The following MAP1LC3B variants were observed in gnomAD, a reference collection of about 807,000 sequenced individuals.
The protein encoded by MAP1LC3B is microtubule-associated protein 1 light chain 3 beta.
MAP1LC3B carries 12 observed loss-of-function variants against 16.7 expected under a neutral mutation model. The observed-to-expected ratio is 0.72, with a 90% CI of 0.46 to 1.16. MAP1LC3B has a LOEUF of 1.16. Ranked by LOEUF, MAP1LC3B falls within the 50% of genes most tolerant of loss-of-function variation. The pLI is 0.00. For synonymous variants in MAP1LC3B, 63 were observed against 56.5 expected (o/e 1.11, Z -0.51); for missense variants, 155 against 159.5 (o/e 0.97, Z 0.15).
At chr16:87,399,708 A>T (rs930105552) in intron 2 of MAP1LC3B, 3 of 371,164 alleles carry the variant, frequency 8.1e-6, no homozygotes, top group Admixed American at 7.4e-5. Flanking sequence ...GCTTAAAACT[A>T]AAAAAAAACA....
In MAP1LC3B at chr16:87,402,913, CTT is replaced by C. The variant is rs759953381; in HGVS notation, c.204-8_204-7del. On this transcript the variant is annotated splice_polypyrimidine_tract_variant and splice_region_variant and intron_variant, in intron 3 of 3. Coordinates refer to ENST00000268607, the MANE Select transcript of MAP1LC3B (RefSeq NM_022818.5). ...TGTCAATATTTCTTCACGTTGTTTT[CTT>C]TCAATAGAAGGCGCTTACAGCTCAA... The C allele has an allele frequency of 1.9e-6, 3 of 1,613,544 alleles. No homozygotes were observed. The highest frequency in any genetic ancestry group is 2.5e-6 in the Non-Finnish European group (3 of 1,179,740).
intron 2 of MAP1LC3B, 67 bp from the exon 3 acceptor site, chr16:87,402,108 T>C (rs1452622466): frequency 1.3e-6 from 2 of 1,540,794 alleles, no homozygotes; most frequent in East Asian, 4.5e-5. Flanking sequence ...ATGCTGGGGT[T>C]ACAGGTGTGA....
intron 2 of MAP1LC3B, chr16:87,399,350 C>T: frequency 3.8e-6 from 1 of 265,000 alleles, no homozygotes; most frequent in South Asian, 3.7e-5. Context: ...ATTTCTGCTA[C>T]CACTTAAACT....
intron 1 of MAP1LC3B, chr16:87,392,844 G>A (rs919201545): frequency 3.9e-5 from 6 of 152,182 alleles, no homozygotes; most frequent in African/African-American, 1.4e-4. Context: ...CAAGCGCGCT[G>A]CGGGCGAGGG....
At chr16:87,402,886 G>A (rs763562889) in intron 3 of MAP1LC3B, 37 bp from the exon 4 acceptor site, 1 of 1,611,780 alleles carries the variant, frequency 6.2e-7, no homozygotes, top group South Asian at 1.1e-5. Context: ...TTCTTGTATT[G>A]TTGTCAATAT....
chr16:87,396,449 T>G (rs1907809493), intron 1 of MAP1LC3B, among the ~76,000 whole-genome samples: 2 of 150,416 alleles, frequency 1.3e-5, no homozygotes, highest in Admixed American at 1.3e-4. Context: ...CACTCCAGCC[T>G]GAGTGACAGA....
chr16:87,401,245 G>A (rs72806246), intron 2 of MAP1LC3B, among the ~76,000 whole-genome samples: 13,789 of 151,870 alleles, frequency 0.091, 863 homozygotes, highest in East Asian at 0.31. Flanking sequence ...TCTCTGCCTC[G>A]GTAAGGCTTG....
At chr16:87,396,003 G>A (rs1907788313) in intron 1 of MAP1LC3B, among the ~76,000 whole-genome samples, 1 of 151,226 alleles carries the variant, frequency 6.6e-6, no homozygotes, top group African/African-American at 2.4e-5. Context: ...TGGGATTACG[G>A]GTGCCCGCCA....
Position 87,392,479 on chromosome 16 carries a change from C to G in MAP1LC3B, c.40+12C>G. The G allele has an allele frequency of 9.9e-6, 13 of 1,312,746 alleles. No individual in the cohort carries two copies. Among genetic ancestry groups the G allele is most frequent in the Non-Finnish European group, 1.2e-5 (12 of 1,035,644 alleles). 81.3% of individuals were successfully genotyped at this position (1,312,746 alleles called of 1,614,324 possible). On this transcript the variant is annotated intron_variant, in intron 1 of 3. Transcript: ENST00000268607. ...GCGCCGCACCTTCGGTGAGTGTCGC[C>G]GCGAGGGCGGCGGGTGCGGCGGGGC... is the stretch of plus-strand genomic sequence containing the variant.
At chr16:87,400,073 A>T (rs1487780177) in intron 2 of MAP1LC3B, 1 of 154,398 alleles carries the variant, frequency 6.5e-6, no homozygotes, top group Admixed American at 6.2e-5. Context: ...CGCCGGCCTG[A>T]TGGCTTTATT....
intron 2 of MAP1LC3B, chr16:87,399,514 A>C: frequency 2.3e-6 from 1 of 432,790 alleles, no homozygotes; most frequent in Non-Finnish European, 4.6e-6. Context: ...CAATAGAACA[A>C]TGTACAAATA....
intron 2 of MAP1LC3B, chr16:87,400,008 A>G (rs977620602): frequency 4.2e-5 from 7 of 165,630 alleles, no homozygotes; most frequent in Admixed American, 3.4e-4. Flanking sequence ...TCTTGACCTC[A>G]TGATCCGCCC....
At chr16:87,392,544 C>A in intron 1 of MAP1LC3B, 77 bp downstream of exon 1, 1 of 1,193,822 alleles carries the variant, frequency 8.4e-7, no homozygotes, top group Non-Finnish European at 1.0e-6. Context: ...CCTGGGACGC[C>A]GTGAGGGGTC....
chr16:87,399,657 AATG>A (rs1252752109), intron 2 of MAP1LC3B: 1 of 453,762 alleles, frequency 2.2e-6, no homozygotes, highest in Non-Finnish European at 4.4e-6. Context: ...CACAGACACT[AATG>A]AGACTCAGAG....
At chr16:87,395,066 G>C (rs756393632) in intron 1 of MAP1LC3B, among the ~76,000 whole-genome samples, 3 of 152,192 alleles carry the variant, frequency 2.0e-5, no homozygotes, top group Non-Finnish European at 4.4e-5. Context: ...GAGTGCTTCA[G>C]TTTCTCTCTG....
chr16:87,398,157 G>A (rs1668514495), intron 1 of MAP1LC3B, among the ~76,000 whole-genome samples: 1 of 152,012 alleles, frequency 6.6e-6, no homozygotes, highest in South Asian at 2.1e-4. Flanking sequence ...CGAGTAGCTG[G>A]GATTACAGGC....
chr16:87,403,031 T>C lies in MAP1LC3B; in HGVS notation c.312T>C (p.Asp104=). ...CAGAGGTGTATGAGAGTGAGAAAGATGAAGATGGATTCCTGTACATGGTCT... is the reference window on the plus strand; with the variant it reads ...CAGAGGTGTATGAGAGTGAGAAAGACGAAGATGGATTCCTGTACATGGTCT... ...PISEVYESEK[D]EDGFLYMVYA... is the part of the protein sequence containing the mutation. Residue 104 remains aspartate, a synonymous_variant, in exon 4 of 4, where the codon GAT becomes GAC. Transcript: ENST00000268607. 1 of 1,614,138 alleles carries C rather than the reference T, an allele frequency of 6.2e-7. No homozygotes were observed. The highest frequency in any genetic ancestry group is 1.1e-5 in the South Asian group (1 of 91,084).
chr16:87,398,805 T>G lies in MAP1LC3B; in HGVS notation c.41-10T>G. On this transcript the variant is annotated splice_polypyrimidine_tract_variant and intron_variant, in intron 1 of 3. Coordinates refer to ENST00000268607, the MANE Select transcript of MAP1LC3B (RefSeq NM_022818.5). ...CTTAGTAATGCTTCTGTCTCTTCAT[T>G]TCATTGCAGAACAAAGAGTAGAAGA... 3 of 1,614,040 alleles carry G rather than the reference T, an allele frequency of 1.9e-6. No individual in the cohort carries two copies. The highest frequency in any genetic ancestry group is 2.5e-6 in the Non-Finnish European group (3 of 1,179,894).
At position 87,404,162 on chromosome 16, in the gene MAP1LC3B, CAT is replaced by C. The variant is rs377041494; in HGVS notation, c.*1067_*1068del. ...AAGTGCATGTCAGTTGTGGAGAAAA[CAT>C]AGCAAAAAGAGCCGTACGCTCTTTA... is the stretch of plus-strand genomic sequence containing the variant. On this transcript the variant is annotated 3_prime_UTR_variant, in exon 4 of 4. Transcript: ENST00000268607. 9.9e-5 allele frequency: 15 copies of C among 152,254 alleles called. No individual in the cohort carries two copies. The highest frequency in any genetic ancestry group is 2.4e-4 in the African/African-American group (10 of 41,548). The allele number at this position is 152,254 out of a possible 1,614,324, so 9.4% of individuals were successfully genotyped here.
Sources: gnomAD v4.1 joint callset for allele counts (sites outside exome capture counted in the v4.1 genomes callset) on GRCh38, gnomAD v4.1.1 for gene constraint, MANE v1.5 for transcripts, NCBI Gene and HGNC (gene_info 2026-07-23, HGNC 2026-07-21) for gene names.